Variants in RBL1 observed in about 807,000 individuals in gnomAD.
RBL1 encodes the protein retinoblastoma-like protein 1.
Under a neutral mutation model 123.0 loss-of-function variants are expected in RBL1, and 82 were observed. The ratio of observed to expected loss-of-function variants is 0.67; its 90% CI spans 0.56 to 0.80. The LOEUF (loss-of-function observed/expected upper bound fraction) is 0.80, where lower values mean the gene tolerates loss of function less well. Among genes scored for constraint, RBL1 ranks in the 30% least tolerant of loss-of-function variants. RBL1 has a pLI of 0.00. For synonymous variants in RBL1, 405 were observed against 441.3 expected, an observed-to-expected ratio of 0.92 and a Z score of 1.03; for missense variants, 1,171 against 1,299.6, an observed-to-expected ratio of 0.90 and a Z score of 1.52.
intron 1 of RBL1, among the ~76,000 whole-genome samples, chr20:37,091,380 A>G (rs2065644059): frequency 6.6e-6 from 1 of 151,344 alleles, no homozygotes; most frequent in Non-Finnish European, 1.5e-5. Context: ...CAAGAATTAC[A>G]GATAAAGGCC....
intron 2 of RBL1, among the ~76,000 whole-genome samples, chr20:37,084,147 G>A (rs917215156): frequency 2.6e-5 from 4 of 151,800 alleles, no homozygotes; most frequent in East Asian, 3.9e-4. Context: ...AGATCTGCCC[G>A]CCTTGGCCTC....
Position 36,998,897 on chromosome 20 carries a change from T to A in RBL1, c.3069A>T (p.Gln1023His), listed in dbSNP as rs1371099530. 3 of 1,613,538 alleles carry A rather than the reference T, an allele frequency of 1.9e-6. No homozygotes were observed. The Admixed American group carries it at 5.0e-5, about 27-fold the overall frequency. ...SLKDINNMIR[Q>H]GEQRTKKRVI... ...CTCGCTTCTTGGTTCTCTGCTCACC[T>A]TGCCTTATCATGTTGTTGATATCTT... The change falls in exon 22 of 22, where the codon CAA (glutamine) becomes CAT (histidine). Residue 1023 changes from glutamine to histidine, a missense_variant. Transcript: ENST00000373664.
intron 2 of RBL1, among the ~76,000 whole-genome samples, chr20:37,086,482 G>T (rs1226672650): frequency 6.6e-6 from 1 of 152,004 alleles, no homozygotes; most frequent in Non-Finnish European, 1.5e-5. Flanking sequence ...CAGCTACTGG[G>T]GAGGCTGAGA....
intron 2 of RBL1, among the ~76,000 whole-genome samples, chr20:37,072,027 G>A (rs558946308): frequency 9.9e-5 from 15 of 152,074 alleles, no homozygotes; most frequent in South Asian, 2.1e-4. Flanking sequence ...TCCTAATACA[G>A]CATTCAAACT....
At chr20:37,056,049 G>A (rs1007267995) in intron 10 of RBL1, 97 bp downstream of exon 10, 5 of 1,417,120 alleles carry the variant, frequency 3.5e-6, no homozygotes, top group African/African-American at 3.0e-5. Context: ...AAAAAAAAAA[G>A]AAATAAGAAT....
chr20:37,030,488 G>A (rs570193155), intron 16 of RBL1, among the ~76,000 whole-genome samples: 3 of 152,242 alleles, frequency 2.0e-5, no homozygotes, highest in East Asian at 3.9e-4. Flanking sequence ...GGGAGGCTGA[G>A]GTGGGCAGAT....
Position 37,004,014 on chromosome 20 carries a change from C to G in RBL1, c.2872-148G>C, listed in dbSNP as rs2064029850. On this transcript the variant is annotated intron_variant, in intron 20 of 21. Coordinates refer to ENST00000373664, the MANE Select transcript of RBL1 (RefSeq NM_002895.5). ...GGTTGAGAAAAAAAATGATCCTTTA[C>G]TTCTTCTTTTTTTTTTTTAACAACA... 4 of 521,370 alleles carry G rather than the reference C, an allele frequency of 7.7e-6. No individual in the cohort carries two copies. The East Asian group carries it at 1.2e-4, about 15-fold the overall frequency. The allele number at this position is 521,370 out of a possible 1,614,324, so 32.3% of individuals were successfully genotyped here. A position where few individuals can be genotyped will look rare whatever the true frequency, so the allele number is the denominator to read the frequency against.
intron 7 of RBL1, 66 bp from the exon 8 acceptor site, chr20:37,062,336 T>A: frequency 6.4e-7 from 1 of 1,553,832 alleles, no homozygotes; most frequent in Non-Finnish European, 8.7e-7. Flanking sequence ...GACTTGAAGA[T>A]AGATTTAGTG....
intron 9 of RBL1, among the ~76,000 whole-genome samples, chr20:37,059,805 T>C (rs2065065196): frequency 6.6e-6 from 1 of 152,118 alleles, no homozygotes; most frequent in African/African-American, 2.4e-5. Flanking sequence ...GAAGGTTCTC[T>C]GATCTGGCTT....
chr20:37,055,729 T>C (rs1471813321), intron 10 of RBL1, 73 bp from the exon 11 acceptor site: 6 of 1,357,862 alleles, frequency 4.4e-6, no homozygotes, highest in Non-Finnish European at 6.0e-6. Flanking sequence ...AAAAATTATA[T>C]ATAAACTTAA....
chr20:37,063,231 C>T (rs556716434), intron 7 of RBL1, among the ~76,000 whole-genome samples: 2 of 152,230 alleles, frequency 1.3e-5, no homozygotes, highest in Non-Finnish European at 2.9e-5. Context: ...GCTTGTGCCA[C>T]CATGCCCGGA....
At chr20:37,050,544 CAAA>C (rs148834732) in intron 11 of RBL1, among the ~76,000 whole-genome samples, 6 of 10,944 alleles carry the variant, frequency 5.5e-4, no homozygotes, top group African/African-American at 2.2e-3. Flanking sequence ...GACTCTGTCT[CAAA>C]AAAAAAAAAA....
chr20:37,030,072 AAG>A (rs1336329015), intron 16 of RBL1, among the ~76,000 whole-genome samples: 7 of 152,226 alleles, frequency 4.6e-5, no homozygotes, highest in Non-Finnish European at 8.8e-5. Flanking sequence ...TTTTTGCAGA[AAG>A]AGAAAAATCC....
In RBL1 at chr20:37,040,014, C is replaced by G. The variant is rs1324304135; in HGVS notation, c.1903+139G>C. ...AATGAGCTACACAGGGGTGCTGGCACAAGCATCAAGCTCCTTTTCGAACCC... is the reference window on the plus strand; with the variant it reads ...AATGAGCTACACAGGGGTGCTGGCAGAAGCATCAAGCTCCTTTTCGAACCC... On this transcript the variant is annotated intron_variant, in intron 14 of 21. Coordinates refer to ENST00000373664, the MANE Select transcript of RBL1 (RefSeq NM_002895.5). 1.3e-5 allele frequency: 14 copies of G among 1,093,906 alleles called. No individual in the cohort carries two copies. The East Asian group carries it at 3.2e-4, about 25-fold the overall frequency. 67.8% of individuals were successfully genotyped at this position (1,093,906 alleles called of 1,614,324 possible).
In RBL1 at chr20:37,012,776, C is replaced by T. The variant is rs558851442; in HGVS notation, c.2723-5217G>A. Among the ~76,000 whole-genome samples the T allele has an allele frequency of 4.7e-4, 70 of 148,596 alleles. 1 individual carries two copies. The highest frequency in any genetic ancestry group is 3.8e-3 in the Middle Eastern group (1 of 260). On this transcript the variant is annotated intron_variant, in intron 19 of 21. Transcript: ENST00000373664. ...CCCCCGCCTGGCCAGCCACCCAGTC[C>T]GGGAGGGAGGTGGGGGGGTCAGCCC...
chr20:37,030,848 C>CT (rs1447819367), intron 16 of RBL1, among the ~76,000 whole-genome samples: 1 of 145,236 alleles, frequency 6.9e-6, no homozygotes, highest in African/African-American at 2.5e-5. Context: ...GAGTGAGACT[C>CT]TGTCTCAAAA....
Position 37,053,209 on chromosome 20 carries a change from T to C in RBL1, c.1467+2344A>G, listed in dbSNP as rs570665230. ...AAACTGACATTTACAGAACACTCCA[T>C]CCAACAATAGCAGAATACAGCAGAT... On this transcript the variant is annotated intron_variant, in intron 11 of 21. Transcript: ENST00000373664. Among the ~76,000 whole-genome samples, 91 of 152,244 alleles carry C rather than the reference T, an allele frequency of 6.0e-4. 1 individual carries two copies. The South Asian group carries it at 0.019, about 31-fold the overall frequency.
chr20:37,068,685 T>A (rs1254434283), intron 2 of RBL1, among the ~76,000 whole-genome samples: 2 of 152,168 alleles, frequency 1.3e-5, no homozygotes, highest in African/African-American at 2.4e-5. Context: ...ACCTAGACAA[T>A]ATTTTGCATA....
At chr20:37,016,021 GTTT>G (rs1205524942) in intron 19 of RBL1, among the ~76,000 whole-genome samples, 10 of 112,504 alleles carry the variant, frequency 8.9e-5, no homozygotes, top group Non-Finnish European at 1.4e-4. Context: ...GTGCCCAGCG[GTTT>G]TTTTTTTTTT....
Sources: gnomAD v4.1 joint callset for allele counts (sites outside exome capture counted in the v4.1 genomes callset) on GRCh38, gnomAD v4.1.1 for gene constraint, MANE v1.5 for transcripts, NCBI Gene and HGNC (gene_info 2026-07-23, HGNC 2026-07-21) for gene names.